Variants in SPAG16 observed in about 807,000 individuals in gnomAD.
SPAG16 encodes sperm associated antigen 16, also known as sperm-associated antigen 16 protein.
A neutral mutation model predicts 80.4 loss-of-function variants in SPAG16; 86 were observed. The ratio of observed to expected loss-of-function variants is 1.07; its 90% CI spans 0.90 to 1.28. The LOEUF (loss-of-function observed/expected upper bound fraction) is 1.28. SPAG16 is among the 50% of genes most tolerant of loss of function. The probability of loss-of-function intolerance (pLI) is 0.00; values close to 1 mark genes in which losing one functional copy is unlikely to be tolerated. For synonymous variants in SPAG16, 294 were observed against 265.9 expected (o/e 1.11, Z -1.03); for missense variants, 870 against 765.3 (o/e 1.14, Z -1.61).
intron 12 of SPAG16, among the ~76,000 whole-genome samples, chr2:213,993,908 G>T (rs989399214): frequency 1.3e-5 from 2 of 152,128 alleles, no homozygotes; most frequent in African/African-American, 2.4e-5. Context: ...CCACTTTGTT[G>T]TATTTGTGTA....
chr2:213,319,900 CAT>C (rs2063545254), intron 5 of SPAG16, among the ~76,000 whole-genome samples: 1 of 151,900 alleles, frequency 6.6e-6, no homozygotes. Context: ...GTCTTACTAA[CAT>C]ATCAGATTAT....
chr2:213,851,509 A>T (rs1232379882), intron 10 of SPAG16, among the ~76,000 whole-genome samples: 2 of 152,192 alleles, frequency 1.3e-5, no homozygotes, highest in African/African-American at 4.8e-5. Flanking sequence ...CTCCCTCTTA[A>T]AATAAAAGTA....
At chr2:213,966,775 T>G (rs890926709) in intron 12 of SPAG16, among the ~76,000 whole-genome samples, 6 of 152,196 alleles carry the variant, frequency 3.9e-5, no homozygotes, top group Admixed American at 2.0e-4. Flanking sequence ...AGCATGATCA[T>G]TTTTTCCACA....
chr2:213,789,277 T>A (rs2070537727), intron 10 of SPAG16, among the ~76,000 whole-genome samples: 1 of 151,962 alleles, frequency 6.6e-6, no homozygotes, highest in Non-Finnish European at 1.5e-5. Context: ...ATGAACACCA[T>A]TTTTGACAGT....
chr2:214,271,005 C>T (rs376424257), intron 15 of SPAG16, among the ~76,000 whole-genome samples: 16 of 152,030 alleles, frequency 1.1e-4, no homozygotes, highest in African/African-American at 3.4e-4. Context: ...AAGTAAAAGT[C>T]TAGGAAATGA....
At chr2:213,765,247 T>C (rs909256624) in intron 10 of SPAG16, among the ~76,000 whole-genome samples, 15 of 152,144 alleles carry the variant, frequency 9.9e-5, no homozygotes, top group Non-Finnish European at 2.2e-4. Flanking sequence ...TGCATGTCTG[T>C]AATCCCAGCT....
At chr2:213,488,990 G>A (rs55974276) in intron 9 of SPAG16, among the ~76,000 whole-genome samples, 7,144 of 147,854 alleles carry the variant, frequency 0.048, 339 homozygotes, top group Middle Eastern at 0.11. Context: ...CACGGGAATC[G>A]CCTGAATCCG....
intron 10 of SPAG16, among the ~76,000 whole-genome samples, chr2:213,586,966 C>T (rs1029385936): frequency 2.6e-5 from 4 of 152,184 alleles, no homozygotes; most frequent in African/African-American, 9.7e-5. Flanking sequence ...TCTTCAGTGT[C>T]TCTGTGCCTG....
In SPAG16 at chr2:214,139,953, T is replaced by C. The variant is rs577673769; in HGVS notation, c.1594-9187T>C. Among the ~76,000 whole-genome samples the C allele has an allele frequency of 6.6e-5, 10 of 152,336 alleles. No individual in the cohort carries two copies. In the South Asian group the frequency reaches 1.5e-3, roughly 22 times the overall value. ...TAACTAAAAAATCCCAAAACCCACC[T>C]ATGACTTATAAGGCTCTACTTGAAG... is the stretch of plus-strand genomic sequence containing the variant. On this transcript the variant is annotated intron_variant, in intron 14 of 15. Transcript: ENST00000331683.
intron 9 of SPAG16, among the ~76,000 whole-genome samples, chr2:213,464,219 G>A (rs968369406): frequency 1.3e-5 from 2 of 152,352 alleles, no homozygotes; most frequent in South Asian, 2.1e-4. Context: ...ATTTCAAAGG[G>A]AATTAAACTC....
chr2:213,678,073 G>A (rs2064185115), intron 10 of SPAG16, among the ~76,000 whole-genome samples: 1 of 152,058 alleles, frequency 6.6e-6, no homozygotes, highest in Non-Finnish European at 1.5e-5. Context: ...AAACCAAGGA[G>A]AACAAAGACA....
chr2:213,887,464 AG>A (rs2076603050), intron 11 of SPAG16, among the ~76,000 whole-genome samples: 1 of 151,940 alleles, frequency 6.6e-6, no homozygotes, highest in Non-Finnish European at 1.5e-5. Flanking sequence ...GAGATTTCTG[AG>A]ATGAATAACA....
intron 9 of SPAG16, among the ~76,000 whole-genome samples, chr2:213,478,219 C>T (rs2073533447): frequency 6.6e-6 from 1 of 152,098 alleles, no homozygotes; most frequent in Admixed American, 6.6e-5. Context: ...TTCTTCATAG[C>T]AGTGTGAGAA....
intron 10 of SPAG16, among the ~76,000 whole-genome samples, chr2:213,781,378 GATAAA>G (rs1004161596): frequency 3.3e-5 from 5 of 152,070 alleles, no homozygotes; most frequent in African/African-American, 1.2e-4. Flanking sequence ...ATATTACCTT[GATAAA>G]ATAAAAAGAA....
At chr2:214,360,267 T>C (rs937124453) in intron 15 of SPAG16, among the ~76,000 whole-genome samples, 6 of 151,862 alleles carry the variant, frequency 4.0e-5, no homozygotes, top group Non-Finnish European at 7.4e-5. Context: ...ATTTAACATA[T>C]ATTGGAATAT....
chr2:214,363,193 C>A (rs533253557), intron 15 of SPAG16, among the ~76,000 whole-genome samples: 1 of 151,992 alleles, frequency 6.6e-6, no homozygotes, highest in African/African-American at 2.4e-5. Flanking sequence ...AGTTCTAAAG[C>A]TTCTTGAGCT....
At chr2:213,992,803 C>T (rs1282262314) in intron 12 of SPAG16, among the ~76,000 whole-genome samples, 1 of 152,122 alleles carries the variant, frequency 6.6e-6, no homozygotes, top group African/African-American at 2.4e-5. Flanking sequence ...GTGCTACATA[C>T]AGATGATAAA....
At chr2:213,501,860 T>G (rs1420596971) in intron 10 of SPAG16, among the ~76,000 whole-genome samples, 1 of 152,196 alleles carries the variant, frequency 6.6e-6, no homozygotes, top group East Asian at 1.9e-4. Flanking sequence ...TTACTGCTAG[T>G]CATATTGCTA....
intron 15 of SPAG16, among the ~76,000 whole-genome samples, chr2:214,364,362 G>A (rs1215943698): frequency 6.6e-6 from 1 of 152,086 alleles, no homozygotes; most frequent in Non-Finnish European, 1.5e-5. Context: ...TCCTTAAAAT[G>A]TTCCCTGACT....
Sources: allele counts gnomAD v4.1 joint callset (sites outside exome capture counted in the v4.1 genomes callset), GRCh38; gene constraint gnomAD v4.1.1; transcripts MANE v1.5; gene names NCBI Gene and HGNC (gene_info 2026-07-23, HGNC 2026-07-21).